Variants in EDEM2 observed in about 807,000 individuals in gnomAD.
EDEM2 encodes ER degradation-enhancing alpha-mannosidase-like protein 2.
A neutral mutation model predicts 64.8 loss-of-function variants in EDEM2; 39 were observed. The ratio of observed to expected loss-of-function variants is 0.60; its 90% confidence interval spans 0.47 to 0.79. The LOEUF (loss-of-function observed/expected upper bound fraction) is 0.79. EDEM2 is among the 30% of genes least tolerant of loss of function. The pLI is 0.00. For missense variants in EDEM2, 609 were observed against 731.3 expected, an observed-to-expected ratio of 0.83 and a Z score of 1.93; for synonymous variants, 296 against 291.5, an observed-to-expected ratio of 1.02 and a Z score of -0.16.
At chr20:35,136,437 C>G (rs966891072) in intron 5 of EDEM2, among the ~76,000 whole-genome samples, 4 of 152,066 alleles carry the variant, frequency 2.6e-5, no homozygotes, top group Admixed American at 6.6e-5. Context: ...CAGCTCTCCC[C>G]CAAAGGAGAG....
At chr20:35,145,864 T>G (rs1352093723) in intron 2 of EDEM2, among the ~76,000 whole-genome samples, 1 of 151,946 alleles carries the variant, frequency 6.6e-6, no homozygotes, top group Non-Finnish European at 1.5e-5. Context: ...TAGCCGGGTG[T>G]GGTGGTGGGC....
Position 35,147,155 on chromosome 20 carries a change from T to C in EDEM2, c.104A>G (p.Tyr35Cys), listed in dbSNP as rs754885041. ...GAAAGGGCGGGTCACAGTTCACCTG[T>C]AGTGGGCGGGATCTGGCGCGGAGCC... The part of the protein sequence containing the change: ...PDGSAPDPAH[Y>C]RERVKAMFYH... The change falls in exon 1 of 11, where the codon TAC becomes TGC. Residue 35 changes from tyrosine (Y) to cysteine (C), a missense_variant. Tyr to Cys is a radical substitution (Grantham distance 194, BLOSUM62 -2). Coordinates refer to ENST00000374492, the MANE Select transcript of EDEM2 (RefSeq NM_018217.3). 1.9e-6 allele frequency: 3 copies of C among 1,601,300 alleles called. No homozygotes were observed. The highest frequency in any genetic ancestry group is 2.6e-6 in the Non-Finnish European group (3 of 1,172,190).
intron 2 of EDEM2, among the ~76,000 whole-genome samples, chr20:35,145,964 T>C (rs544184824): frequency 3.7e-4 from 50 of 135,642 alleles, no homozygotes; most frequent in African/African-American, 1.4e-3. Flanking sequence ...ATCACGCCAT[T>C]GCACTCCAGC....
chr20:35,135,574 C>T (rs1216237438), intron 5 of EDEM2, among the ~76,000 whole-genome samples: 3 of 152,106 alleles, frequency 2.0e-5, no homozygotes, highest in Non-Finnish European at 4.4e-5. Flanking sequence ...TCGTTTGAAC[C>T]CAAGAGGCGT....
intron 1 of EDEM2, 79 bp downstream of exon 1, chr20:35,147,073 G>A (rs1169152493): frequency 1.3e-6 from 2 of 1,550,602 alleles, no homozygotes; most frequent in East Asian, 4.7e-5. Flanking sequence ...GCAAGTCGGG[G>A]TCTGGGATGG....
intron 9 of EDEM2, among the ~76,000 whole-genome samples, chr20:35,121,125 T>C (rs1407862596): frequency 7.2e-5 from 11 of 152,238 alleles, no homozygotes; most frequent in Admixed American, 7.2e-4. Context: ...GGATAATTCA[T>C]GTGCATTACA....
At chr20:35,135,523 C>T (rs913803524) in intron 5 of EDEM2, among the ~76,000 whole-genome samples, 2 of 152,148 alleles carry the variant, frequency 1.3e-5, no homozygotes, top group African/African-American at 4.8e-5. Context: ...TGGTGGTGCA[C>T]GCCTGTAATT....
At chr20:35,136,478 C>T (rs1229330146) in intron 5 of EDEM2, among the ~76,000 whole-genome samples, 5 of 152,038 alleles carry the variant, frequency 3.3e-5, no homozygotes, top group Admixed American at 2.6e-4. Context: ...ATAAAGAGGC[C>T]GGGTGTGGTG....
At chr20:35,125,539 C>T (rs946611876) in intron 8 of EDEM2, among the ~76,000 whole-genome samples, 2 of 151,970 alleles carry the variant, frequency 1.3e-5, no homozygotes, top group African/African-American at 4.8e-5. Context: ...CGCCCACCAC[C>T]ACGCCCAGCT....
Position 35,131,657 on chromosome 20 carries a change from T to A in EDEM2, c.829A>T (p.Met277Leu), listed in dbSNP as rs377175960. 1.9e-5 allele frequency: 30 copies of A among 1,613,648 alleles called. No individual in the cohort carries two copies. Among genetic ancestry groups the A allele is most frequent in the East Asian group, 8.9e-5 (4 of 44,874 alleles). ...GAILLQDKKL[M>L]AMFLEYNKAI... The stretch of plus-strand genomic sequence containing the variant: ...CCATTTTTACCTAGGAACATGGCCA[T>A]GAGCTTCTTATCCTGAAGCAGGATG... The change falls in exon 7 of 11, where the codon ATG (methionine) becomes TTG (leucine). Residue 277 changes from methionine to leucine, a missense_variant. Met to Leu is a conservative substitution (Grantham distance 15, BLOSUM62 2). Coordinates refer to ENST00000374492, the MANE Select transcript of EDEM2 (RefSeq NM_018217.3).
chr20:35,131,565 CA>C (rs543120411), intron 7 of EDEM2, 76 bp downstream of exon 7: 53 of 1,550,220 alleles, frequency 3.4e-5, no homozygotes, highest in South Asian at 7.1e-5. Context: ...GACTCTGTCT[CA>C]AAAAAAAGTT....
chr20:35,140,170 G>A (rs1047857964), intron 4 of EDEM2, among the ~76,000 whole-genome samples: 1 of 152,202 alleles, frequency 6.6e-6, no homozygotes, highest in East Asian at 1.9e-4. Flanking sequence ...TCTGAGACAC[G>A]AAAAGAAAAA....
rs574896020 is a variant in EDEM2 at position 35,116,470 on chromosome 20, G to A, written c.1237-537C>T. On this transcript the variant is annotated intron_variant, in intron 10 of 10. Transcript: ENST00000374492. ...TAAGAGCTCCAGCTGCTGCCTTTCTGTCCTGAGCTAGCACAGCACCCTCCT... is the reference window on the plus strand; with the variant it reads ...TAAGAGCTCCAGCTGCTGCCTTTCTATCCTGAGCTAGCACAGCACCCTCCT... Among the ~76,000 whole-genome samples, 31 of 152,084 alleles carry A rather than the reference G, an allele frequency of 2.0e-4. 1 individual carries two copies. The highest frequency in any genetic ancestry group is 2.0e-3 in the Admixed American group (30 of 15,244).
chr20:35,115,496 G>A lies in EDEM2; in HGVS notation c.1674C>T (p.Cys558=), dbSNP rs776735645. The change falls in exon 11 of 11, where the codon TGC becomes TGT. Residue 558 remains cysteine (C), a synonymous_variant. Coordinates refer to ENST00000374492, the MANE Select transcript of EDEM2 (RefSeq NM_018217.3). Reference sequence around the variant, plus strand: ...ACTTGGAGGTGAAGGGCTGACTGGGGCAGCTGAGAAGTGGGACCTTCTGTT... The same window carrying A: ...ACTTGGAGGTGAAGGGCTGACTGGGACAGCTGAGAAGTGGGACCTTCTGTT... ...PAKQKVPLLS[C]PSQPFTSKLA... is the part of the protein sequence containing the mutation. 2 of 1,614,034 alleles carry A rather than the reference G, an allele frequency of 1.2e-6. No individual in the cohort carries two copies. Among genetic ancestry groups the A allele is most frequent in the Admixed American group, 1.7e-5 (1 of 60,030 alleles).
chr20:35,124,647 C>T (rs1269388743), intron 8 of EDEM2, among the ~76,000 whole-genome samples: 1 of 152,174 alleles, frequency 6.6e-6, no homozygotes, highest in Non-Finnish European at 1.5e-5. Flanking sequence ...GGATTACAAC[C>T]ATCACCCATC....
chr20:35,142,521 A>G (rs371938796), intron 3 of EDEM2, 43 bp from the exon 4 acceptor site: 141 of 1,446,780 alleles, frequency 9.7e-5, no homozygotes, highest in Non-Finnish European at 1.3e-4. Flanking sequence ...TCTTACATGC[A>G]TGGAGGCAGA....
chr20:35,128,876 T>C (rs114380788), intron 7 of EDEM2, among the ~76,000 whole-genome samples: 2,151 of 151,074 alleles, frequency 0.014, 205 homozygotes, highest in African/African-American at 0.05. Flanking sequence ...AGCTGTACAA[T>C]GTGTTTTAAG....
At chr20:35,125,749 A>G (rs1353746654) in intron 8 of EDEM2, among the ~76,000 whole-genome samples, 4 of 152,120 alleles carry the variant, frequency 2.6e-5, no homozygotes, top group African/African-American at 9.7e-5. Context: ...CTTTTTCTTA[A>G]AACTTTTAAA....
Position 35,137,930 on chromosome 20 carries a change from G to A in EDEM2, c.440C>T (p.Ser147Phe), listed in dbSNP as rs570573727. The A allele has an allele frequency of 4.3e-6, 7 of 1,614,188 alleles. No homozygotes were observed. The African/African-American group carries it at 9.3e-5, about 22-fold the overall frequency. The change falls in exon 5 of 11, where the codon TCC becomes TTC. Residue 147 changes from serine to phenylalanine, a missense_variant. By Grantham distance (155) the Ser-to-Phe change is radical. Transcript: ENST00000374492. ...GVEVEAGWPC[S>F]GPLLRMAEEA... ...CTCAGCCATTCTCAGGAGAGGCCCG[G>A]AACAGGGCCATCCAGCCTCTACTTC... is the stretch of plus-strand genomic sequence containing the variant.
Sources: allele counts gnomAD v4.1 joint callset (sites outside exome capture counted in the v4.1 genomes callset), GRCh38; gene constraint gnomAD v4.1.1; transcripts MANE v1.5; gene names NCBI Gene and HGNC (gene_info 2026-07-23, HGNC 2026-07-21).